Variants in DEPTOR observed in about 807,000 individuals in gnomAD.
DEPTOR encodes the protein DEP domain containing MTOR interacting protein, also known as DEP domain-containing mTOR-interacting protein.
A neutral mutation model predicts 41.6 loss-of-function variants in DEPTOR; 41 were observed. The ratio of observed to expected loss-of-function variants is 0.98; its 90% CI spans 0.77 to 1.28. The LOEUF is 1.28. Ranked by LOEUF, DEPTOR falls within the 50% of genes most tolerant of loss-of-function variation. The pLI, the probability that DEPTOR is intolerant of heterozygous loss-of-function variation, is 0.00. For synonymous variants in DEPTOR, 195 were observed against 192.3 expected (o/e 1.01, Z -0.12); for missense variants, 514 against 527.9 (o/e 0.97, Z 0.26).
At chr8:119,881,367 CA>C (rs1827294270) in intron 1 of DEPTOR, among the ~76,000 whole-genome samples, 1 of 151,724 alleles carries the variant, frequency 6.6e-6, no homozygotes, top group Non-Finnish European at 1.5e-5. Context: ...GCTAAAATTA[CA>C]AAAAAATTAG....
intron 1 of DEPTOR, among the ~76,000 whole-genome samples, chr8:119,908,907 G>A (rs1400587159): frequency 1.3e-5 from 2 of 152,192 alleles, no homozygotes; most frequent in African/African-American, 2.4e-5. Flanking sequence ...CAGGGCAAAT[G>A]TAACTGTGAT....
chr8:119,999,674 G>A (rs569768324), intron 4 of DEPTOR, among the ~76,000 whole-genome samples: 1 of 152,298 alleles, frequency 6.6e-6, no homozygotes, highest in Non-Finnish European at 1.5e-5. Context: ...GGACTAAGCA[G>A]GCTTTATTAT....
rs975700211 is a variant in DEPTOR, at chr8:119,873,732, G to A, written c.-115G>A. 38 of 1,450,746 alleles carry A rather than the reference G, an allele frequency of 2.6e-5. No individual in the cohort carries two copies. The highest frequency in any genetic ancestry group is 3.0e-5 in the Non-Finnish European group (33 of 1,083,432). 89.9% of individuals were successfully genotyped at this position (1,450,746 alleles called of 1,614,324 possible). On this transcript the variant is annotated 5_prime_UTR_variant, in exon 1 of 9. Coordinates refer to ENST00000286234, the MANE Select transcript of DEPTOR (RefSeq NM_022783.4). ...CTCTCCAGCCAATCCAGTCAGAGCA[G>A]CGGAGCTGCCCCGAACAAAGATGGC... is the stretch of plus-strand genomic sequence containing the variant.
intron 8 of DEPTOR, among the ~76,000 whole-genome samples, chr8:120,028,749 C>G (rs887874432): frequency 6.6e-6 from 1 of 151,626 alleles, no homozygotes; most frequent in African/African-American, 2.4e-5. Context: ...AGGCATGAAC[C>G]ACCATGCCCA....
rs566601327 is a variant in DEPTOR at position 119,960,568 on chromosome 8, A to G, written c.426-4664A>G. Among the ~76,000 whole-genome samples, 13 of 152,336 alleles carry G rather than the reference A, an allele frequency of 8.5e-5. No individual in the cohort carries two copies. The South Asian group carries it at 1.0e-3, about 12-fold the overall frequency. On this transcript the variant is annotated intron_variant, in intron 3 of 8. Coordinates refer to ENST00000286234, the MANE Select transcript of DEPTOR (RefSeq NM_022783.4). ...GAAGGCAGAAATTCATCTTGCCCCA[A>G]TGTAGGTACAATGATTACTTACATA...
rs372885501 is a variant in DEPTOR at position 119,965,046 on chromosome 8, C to G, written c.426-186C>G. ...CAAGATCACGCCATTGCACTCCAGCCTGGGCAACAAGAGCGAAAATCTGTC... is the reference window on the plus strand; with the variant it reads ...CAAGATCACGCCATTGCACTCCAGCGTGGGCAACAAGAGCGAAAATCTGTC... On this transcript the variant is annotated intron_variant, in intron 3 of 8. Transcript: ENST00000286234. Among the ~76,000 whole-genome samples the G allele has an allele frequency of 1.8e-4, 28 of 152,200 alleles. No individual in the cohort carries two copies. In the East Asian group the frequency reaches 3.1e-3, roughly 17 times the overall value.
chr8:119,897,045 T>C (rs1827529564), intron 1 of DEPTOR, among the ~76,000 whole-genome samples: 1 of 152,154 alleles, frequency 6.6e-6, no homozygotes, highest in African/African-American at 2.4e-5. Context: ...TATGTACACA[T>C]ATAAGAAGAT....
intron 3 of DEPTOR, among the ~76,000 whole-genome samples, chr8:119,955,565 C>A (rs906806921): frequency 4.6e-5 from 7 of 151,782 alleles, no homozygotes; most frequent in Non-Finnish European, 2.9e-5. Context: ...CTCCTGAGTT[C>A]AAGCGATTCT....
Position 120,013,932 on chromosome 8 carries a change from T to C in DEPTOR, c.1101+4799T>C, listed in dbSNP as rs138769030. Among the ~76,000 whole-genome samples, 257 of 151,326 alleles carry C rather than the reference T, an allele frequency of 1.7e-3. 1 individual carries two copies. The highest frequency in any genetic ancestry group is 3.1e-3 in the Non-Finnish European group (211 of 67,862). ...TCAGCTCACTGCAACCTCCACATCC[T>C]GGGTTCAAGCGATTCTCCTGCCTCA... On this transcript the variant is annotated intron_variant, in intron 8 of 8. Coordinates refer to ENST00000286234, the MANE Select transcript of DEPTOR (RefSeq NM_022783.4).
intron 3 of DEPTOR, among the ~76,000 whole-genome samples, chr8:119,955,460 T>C (rs1455045542): frequency 6.6e-6 from 1 of 152,046 alleles, no homozygotes; most frequent in Non-Finnish European, 1.5e-5. Flanking sequence ...TTTGACATAA[T>C]TTTTTTCCTT....
At chr8:119,965,080 A>G (rs1828539719) in intron 3 of DEPTOR, 152 bp from the exon 4 acceptor site, 2 of 887,516 alleles carry the variant, frequency 2.3e-6, no homozygotes, top group Admixed American at 3.0e-5. Context: ...TCTCAAAGAA[A>G]GAAAAAAGAA....
chr8:120,002,787 A>T (rs1404148110), intron 5 of DEPTOR, among the ~76,000 whole-genome samples, 190 bp from the exon 6 acceptor site: 1 of 60,488 alleles, frequency 1.7e-5, no homozygotes, highest in African/African-American at 7.7e-5. Context: ...AAAAAAAAAA[A>T]AAAAATATAT....
chr8:119,885,550 G>A (rs934109817), intron 1 of DEPTOR, among the ~76,000 whole-genome samples: 1 of 152,174 alleles, frequency 6.6e-6, no homozygotes, highest in African/African-American at 2.4e-5. Flanking sequence ...CATAGCCTAG[G>A]TCGTCATGAG....
In DEPTOR at chr8:119,996,896, G is replaced by T. The variant is rs115496174; in HGVS notation, c.605-4629G>T. Among the ~76,000 whole-genome samples, 346 of 152,208 alleles carry T rather than the reference G, an allele frequency of 2.3e-3. 1 individual carries two copies. Among genetic ancestry groups the T allele is most frequent in the African/African-American group, 8.0e-3 (331 of 41,546 alleles). Reference sequence around the variant, plus strand: ...TTTTTTAAAAATCTCAATAAACTCAGAAGGTTGCCAGAAATAACTTACCTA... The same window carrying T: ...TTTTTTAAAAATCTCAATAAACTCATAAGGTTGCCAGAAATAACTTACCTA... On this transcript the variant is annotated intron_variant, in intron 4 of 8. Transcript: ENST00000286234.
At position 119,982,602 on chromosome 8, in the gene DEPTOR, T is replaced by A. The variant is rs549524953; in HGVS notation, c.604+17192T>A. On this transcript the variant is annotated intron_variant, in intron 4 of 8. Coordinates refer to ENST00000286234, the MANE Select transcript of DEPTOR (RefSeq NM_022783.4). ...TAAAGATAGTTTAAGCAGTGAGGTT[T>A]CTCTGCCTCCTGAAGTGAGATGCCC... 1.2e-4 allele frequency among the ~76,000 whole-genome samples: 18 copies of A among 152,332 alleles called. No individual in the cohort carries two copies. In the South Asian group the frequency reaches 3.7e-3, roughly 32 times the overall value.
chr8:119,976,835 GGTA>G (rs1828701456), intron 4 of DEPTOR, among the ~76,000 whole-genome samples: 1 of 151,964 alleles, frequency 6.6e-6, no homozygotes, highest in Admixed American at 6.6e-5. Flanking sequence ...GGAGAATGGG[GGTA>G]GTTGTTCCAC....
intron 3 of DEPTOR, among the ~76,000 whole-genome samples, chr8:119,940,664 T>G (rs902750072): frequency 6.6e-6 from 1 of 152,022 alleles, no homozygotes; most frequent in Non-Finnish European, 1.5e-5. Context: ...GACAATCACT[T>G]GAACCCGGGA....
At chr8:119,949,809 A>C (rs543224862) in intron 3 of DEPTOR, among the ~76,000 whole-genome samples, 81 of 152,014 alleles carry the variant, frequency 5.3e-4, no homozygotes, top group Non-Finnish European at 1.0e-3. Flanking sequence ...CCTCCTGAGT[A>C]GCTGGGATTA....
chr8:119,916,318 A>C (rs1032410681), intron 1 of DEPTOR, among the ~76,000 whole-genome samples: 1 of 129,574 alleles, frequency 7.7e-6, no homozygotes, highest in African/African-American at 3.1e-5. Flanking sequence ...TGGGGGTTTC[A>C]CCATATTGGC....
Sources: allele counts gnomAD v4.1 joint callset (sites outside exome capture counted in the v4.1 genomes callset), GRCh38; gene constraint gnomAD v4.1.1; transcripts MANE v1.5; gene names NCBI Gene and HGNC (gene_info 2026-07-23, HGNC 2026-07-21).